The following SEPTIN9 variants were observed in gnomAD, a reference collection of about 807,000 sequenced individuals.
The protein encoded by SEPTIN9 is septin-9.
In SEPTIN9, 13 loss-of-function variants were observed where a neutral mutation model predicts 56.6. That is an observed-to-expected ratio of 0.23 (90% CI 0.15 to 0.37). SEPTIN9 has a LOEUF of 0.37. SEPTIN9 is among the 10% of genes least tolerant of loss of function. SEPTIN9 has a pLI of 1.00. For missense variants in SEPTIN9, 650 were observed against 823.1 expected (o/e 0.79, Z 2.57); for synonymous variants, 332 against 334.1 (o/e 0.99, Z 0.07).
At position 77,412,154 on chromosome 17, in the gene SEPTIN9, T is replaced by C. The variant is rs1218423242; in HGVS notation, c.721+9451T>C. On this transcript the variant is annotated intron_variant, in intron 3 of 11. Transcript: ENST00000427177. ...CAAAAAAAAAAAAAAAAAAAAAAAA[T>C]TGATCCTTGTTCCTGAATTGGCCTC... Among the ~76,000 whole-genome samples the C allele has an allele frequency of 4.8e-5, 7 of 144,816 alleles. No homozygotes were observed. The South Asian group carries it at 1.5e-3, about 31-fold the overall frequency.
At chr17:77,366,982 T>C (rs1433049014) in intron 2 of SEPTIN9, among the ~76,000 whole-genome samples, 1 of 152,250 alleles carries the variant, frequency 6.6e-6, no homozygotes, top group African/African-American at 2.4e-5. Flanking sequence ...CTGTAAATGT[T>C]CTGCACAAAG....
chr17:77,342,987 A>ATCTGTCTG (rs1017118260), intron 2 of SEPTIN9, among the ~76,000 whole-genome samples: 27 of 131,444 alleles, frequency 2.1e-4, no homozygotes, highest in South Asian at 1.0e-3. Flanking sequence ...AAATCAATGT[A>ATCTGTCTG]TCTGTCTGTC....
At chr17:77,346,029 C>A (rs1485574832) in intron 2 of SEPTIN9, among the ~76,000 whole-genome samples, 1 of 152,130 alleles carries the variant, frequency 6.6e-6, no homozygotes, top group Non-Finnish European at 1.5e-5. Flanking sequence ...AGGCTCACTG[C>A]AACCTCCACC....
chr17:77,319,260 T>TGAGCCCTTG lies in SEPTIN9; in HGVS notation c.76+12065_76+12073dup, dbSNP rs1402831959. On this transcript the variant is annotated intron_variant, in intron 2 of 11. Transcript: ENST00000427177. The surrounding 1 kb of genome is among the most constrained non-coding windows in gnomAD (Gnocchi z 5.3). The stretch of plus-strand genomic sequence containing the variant: ...CATTGTAAACCCCCACCTGCTCTGC[T>TGAGCCCTTG]GAGCCCTTGGCCTCAGCATGGACCC... 6.6e-6 allele frequency among the ~76,000 whole-genome samples: 1 copy of TGAGCCCTTG among 152,226 alleles called. No homozygotes were observed. The highest frequency in any genetic ancestry group is 1.9e-4 in the East Asian group (1 of 5,188).
At chr17:77,354,738 C>T (rs912018808) in intron 2 of SEPTIN9, among the ~76,000 whole-genome samples, 3 of 151,984 alleles carry the variant, frequency 2.0e-5, no homozygotes, top group African/African-American at 4.8e-5. Context: ...AGCGCAGGCG[C>T]GAAGCCATCT....
At chr17:77,380,294 C>A (rs2035097753) in intron 2 of SEPTIN9, 1 of 82,142 alleles carries the variant, frequency 1.2e-5, no homozygotes, top group Non-Finnish European at 3.2e-5. Flanking sequence ...TCCACTGCTC[C>A]CGTAGCTGGG....
At chr17:77,472,658 G>T (rs570152681) in intron 3 of SEPTIN9, 2 of 152,240 alleles carry the variant, frequency 1.3e-5, no homozygotes, top group African/African-American at 4.8e-5. Flanking sequence ...GCAAATCCGT[G>T]TCTTTCTCTG....
intron 2 of SEPTIN9, among the ~76,000 whole-genome samples, chr17:77,392,392 A>C (rs1004326156): frequency 6.6e-6 from 1 of 152,158 alleles, no homozygotes; most frequent in Admixed American, 6.5e-5. Flanking sequence ...TTTCAGGGAT[A>C]CTATTGACGC....
intron 1 of SEPTIN9, among the ~76,000 whole-genome samples, chr17:77,298,866 T>C (rs67328884): frequency 0.19 from 29,476 of 152,178 alleles, 3,030 homozygotes; most frequent in African/African-American, 0.23. Context: ...CAGCCTGGAG[T>C]GCAGCGGTGC....
rs897149900 is a variant in SEPTIN9 at position 77,333,219 on chromosome 17, C to T, written c.76+26022C>T. ...ATTTGCTTTGGCCTGATGACTAATG[C>T]GGTTGAGCACATTTTCATGATTGGC... is the stretch of plus-strand genomic sequence containing the variant. On this transcript the variant is annotated intron_variant, in intron 2 of 11. Coordinates refer to ENST00000427177, the MANE Select transcript of SEPTIN9 (RefSeq NM_001113491.2). Among the ~76,000 whole-genome samples, 8 of 152,158 alleles carry T rather than the reference C, an allele frequency of 5.3e-5. No individual in the cohort carries two copies. The East Asian group carries it at 9.6e-4, about 18-fold the overall frequency.
At chr17:77,301,180 T>C (rs1312381972) in intron 1 of SEPTIN9, among the ~76,000 whole-genome samples, 14 of 151,990 alleles carry the variant, frequency 9.2e-5, no homozygotes, top group Non-Finnish European at 2.1e-4. Flanking sequence ...AGGGTCTCCA[T>C]GACCCACCTT....
rs1181248052 is a variant in SEPTIN9, at chr17:77,500,042, G to A, written c.*1384G>A. The A allele has an allele frequency of 8.5e-6, 2 of 235,264 alleles. No homozygotes were observed. Among genetic ancestry groups the A allele is most frequent in the East Asian group, 6.0e-5 (1 of 16,578 alleles). 14.6% of individuals were successfully genotyped at this position (235,264 alleles called of 1,614,324 possible). ...AGTCCCTTCCTGCTTCCTGTTACCTGTCTTGCTCCTGGGGAGAAAGAGGGG... is the reference window on the plus strand; with the variant it reads ...AGTCCCTTCCTGCTTCCTGTTACCTATCTTGCTCCTGGGGAGAAAGAGGGG... On this transcript the variant is annotated 3_prime_UTR_variant, in exon 12 of 12. Transcript: ENST00000427177.
chr17:77,458,187 A>ACCATCCCTCCTGCCCT (rs1321721485), intron 3 of SEPTIN9, among the ~76,000 whole-genome samples: 2 of 152,234 alleles, frequency 1.3e-5, no homozygotes, highest in East Asian at 3.9e-4. Context: ...CACCCTGCTC[A>ACCATCCCTCCTGCCCT]CCATCCCTCC....
In SEPTIN9 at chr17:77,492,909, C is replaced by T; in HGVS notation, c.1477-71C>T. On this transcript the variant is annotated intron_variant, in intron 9 of 11. Transcript: ENST00000427177. This position sits in a 1 kb window ranked among gnomAD's most constrained non-coding sequence, Gnocchi z 5.4. Reference sequence around the variant, plus strand: ...GGGGACCCCAGGCTCAGGGCAGCTCCTCCCGGGGGCCCAGGGGAGGGAATT... The same window carrying T: ...GGGGACCCCAGGCTCAGGGCAGCTCTTCCCGGGGGCCCAGGGGAGGGAATT... The T allele has an allele frequency of 6.9e-7, 1 of 1,439,478 alleles. No individual in the cohort carries two copies. 89.2% of individuals were successfully genotyped at this position (1,439,478 alleles called of 1,614,324 possible). A position where few individuals can be genotyped will look rare whatever the true frequency, so the allele number is the denominator to read the frequency against.
chr17:77,342,621 A>G (rs1157639514), intron 2 of SEPTIN9, among the ~76,000 whole-genome samples: 2 of 152,206 alleles, frequency 1.3e-5, no homozygotes, highest in Non-Finnish European at 2.9e-5. Context: ...CTTAACTGTA[A>G]GAGGTAGTTA....
rs758073304 is a variant in SEPTIN9 at position 77,402,592 on chromosome 17, C to G, written c.610C>G (p.Pro204Ala). The G allele has an allele frequency of 1.4e-5, 23 of 1,612,410 alleles. No homozygotes were observed. In the South Asian group the frequency reaches 2.5e-4, roughly 18 times the overall value. Residue 204 changes from proline (P) to alanine (A), a missense_variant, in exon 3 of 12, where the codon CCA becomes GCA. Pro to Ala is a conservative substitution (Grantham distance 27, BLOSUM62 -1). This residue lies in a region of SEPTIN9 where 317 missense variants were observed against 329.1 expected (regional missense o/e 0.96). Transcript: ENST00000427177. This position sits in a 1 kb window ranked among gnomAD's most constrained non-coding sequence, Gnocchi z 6.6. Reference protein sequence around the residue: ...KPAEAPTAPSPAQTLENSEPA... With the variant: ...KPAEAPTAPSAAQTLENSEPA... ...TGCTGAGGCGCCCACCGCCCCCAGC[C>G]CAGCCCAGACCTTGGAGAATTCAGA...
chr17:77,467,036 C>G (rs1166706480), intron 3 of SEPTIN9, among the ~76,000 whole-genome samples: 1 of 152,180 alleles, frequency 6.6e-6, no homozygotes, highest in East Asian at 1.9e-4. Flanking sequence ...ATCCAGTTTG[C>G]CAGTTACTAA....
intron 2 of SEPTIN9, among the ~76,000 whole-genome samples, chr17:77,331,602 C>T (rs1021361438): frequency 6.6e-6 from 1 of 152,240 alleles, no homozygotes; most frequent in Admixed American, 6.5e-5. Flanking sequence ...GCGCCGCAAG[C>T]TCTCGAGAGT....
chr17:77,419,631 C>T (rs1079354), intron 3 of SEPTIN9, among the ~76,000 whole-genome samples: 47,477 of 152,118 alleles, frequency 0.31, 8,205 homozygotes, highest in Non-Finnish European at 0.4. Context: ...TCTCCCGGTC[C>T]CTCCCCCGGT....
Sources: gnomAD v4.1 joint callset for allele counts (sites outside exome capture counted in the v4.1 genomes callset) on GRCh38, gnomAD v4.1.1 for gene constraint, gnomAD v4.1.1 regional missense constraint, Gnocchi (gnomAD v3.1) non-coding constraint, MANE v1.5 for transcripts, NCBI Gene and HGNC (gene_info 2026-07-23, HGNC 2026-07-21) for gene names.